The following BCAS3 variants were observed in gnomAD, a reference collection of about 807,000 sequenced individuals.
BCAS3 encodes BCAS4/BCAS3 fusion.
In BCAS3, 53 loss-of-function variants were observed where a neutral mutation model predicts 116.1. The observed-to-expected ratio is 0.46, with a 90% CI of 0.37 to 0.57. The LOEUF (loss-of-function observed/expected upper bound fraction) is 0.57, where lower values mean the gene tolerates loss of function less well. Among genes scored for constraint, BCAS3 ranks in the 20% least tolerant of loss-of-function variants. The pLI is 0.00. For synonymous variants in BCAS3, 391 were observed against 408.2 expected (o/e 0.96, Z 0.51); for missense variants, 917 against 1,165.4 (o/e 0.79, Z 3.10).
rs1206403297 is a variant in BCAS3, at chr17:60,993,138, T to C, written c.1486+2903T>C. Among the ~76,000 whole-genome samples the C allele has an allele frequency of 1.3e-5, 2 of 152,198 alleles. No individual in the cohort carries two copies. Among genetic ancestry groups the C allele is most frequent in the African/African-American group, 2.4e-5 (1 of 41,442 alleles). On this transcript the variant is annotated intron_variant, in intron 15 of 23. Coordinates refer to ENST00000407086, the MANE Select transcript of BCAS3 (RefSeq NM_017679.5). The surrounding 1 kb of genome is among the most constrained non-coding windows in gnomAD (Gnocchi z 4.2). ...ATTCAAGCATAATGTGCACAAAAGA[T>C]TGTGGGCATTCCTACCCTCATAGAT...
rs1156471461 is a variant in BCAS3 at position 61,363,553 on chromosome 17, C to CT, written c.2426-4757dup. On this transcript the variant is annotated intron_variant, in intron 22 of 23. Transcript: ENST00000407086. The surrounding 1 kb of genome is among the most constrained non-coding windows in gnomAD (Gnocchi z 4.9). ...GTTTGGTGAAGTCACATAAGCTCCTCTTTTTTTTTTTTTTTTTAACTCACT... is the reference window on the plus strand; with the variant it reads ...GTTTGGTGAAGTCACATAAGCTCCTCTTTTTTTTTTTTTTTTTTAACTCACT... Among the ~76,000 whole-genome samples, 4,731 of 139,882 alleles carry CT rather than the reference C, an allele frequency of 0.034. 118 individuals are homozygous for CT. The highest frequency in any genetic ancestry group is 0.066 in the African/African-American group (2,519 of 38,296). 91.8% of individuals were successfully genotyped at this position (139,882 alleles called of 152,430 possible). A position where few individuals can be genotyped will look rare whatever the true frequency, so the allele number is the denominator to read the frequency against.
intron 10 of BCAS3, among the ~76,000 whole-genome samples, chr17:60,901,596 T>C (rs762000892): frequency 6.6e-6 from 1 of 152,216 alleles, no homozygotes; most frequent in Non-Finnish European, 1.5e-5. Flanking sequence ...TTGCATATCA[T>C]ACTTTTAAGG....
chr17:60,955,386 A>ATTTTTTTTTCTTTTT (rs2061070400), intron 14 of BCAS3, among the ~76,000 whole-genome samples: 1 of 128,086 alleles, frequency 7.8e-6, no homozygotes, highest in African/African-American at 3.5e-5. Flanking sequence ...GGGAAACTGA[A>ATTTTTTTTTCTTTTT]TTTTTTTTTT....
intron 6 of BCAS3, among the ~76,000 whole-genome samples, chr17:60,754,128 T>C (rs2042762516): frequency 6.6e-6 from 1 of 152,092 alleles, no homozygotes; most frequent in Non-Finnish European, 1.5e-5. Context: ...CTTGACCTCC[T>C]GGGCTCAAGT....
intron 5 of BCAS3, among the ~76,000 whole-genome samples, chr17:60,735,950 G>C (rs1598376602): frequency 6.6e-6 from 1 of 152,148 alleles, no homozygotes; most frequent in African/African-American, 2.4e-5. Flanking sequence ...CATTAAGTGA[G>C]TGTAAGTGAG....
rs531859213 is a variant in BCAS3 at position 61,321,774 on chromosome 17, T to A, written c.2426-46553T>A. 7.2e-5 allele frequency among the ~76,000 whole-genome samples: 11 copies of A among 152,270 alleles called. No individual in the cohort carries two copies. The East Asian group carries it at 1.7e-3, about 24-fold the overall frequency. Reference sequence around the variant, plus strand: ...GTGCTCTCCAATCTGGCCATGCTTCTGCTGGGAAATGAGGGGATAGTGGGG... The same window carrying A: ...GTGCTCTCCAATCTGGCCATGCTTCAGCTGGGAAATGAGGGGATAGTGGGG... On this transcript the variant is annotated intron_variant, in intron 22 of 23. Transcript: ENST00000407086.
At chr17:61,303,889 C>T (rs2053638841) in intron 22 of BCAS3, among the ~76,000 whole-genome samples, 1 of 152,188 alleles carries the variant, frequency 6.6e-6, no homozygotes, top group Non-Finnish European at 1.5e-5. Flanking sequence ...TGTTCAGCAG[C>T]ATTTGTTGGA....
At chr17:61,191,355 G>A (rs1374564516) in intron 22 of BCAS3, among the ~76,000 whole-genome samples, 1 of 151,974 alleles carries the variant, frequency 6.6e-6, no homozygotes, top group Non-Finnish European at 1.5e-5. Context: ...CAGGTGATAG[G>A]ACAATAATAA....
chr17:61,006,206 C>T lies in BCAS3; in HGVS notation c.1487-9545C>T, dbSNP rs376074847. Among the ~76,000 whole-genome samples the T allele has an allele frequency of 9.2e-5, 14 of 151,934 alleles. No homozygotes were observed. In the East Asian group the frequency reaches 1.4e-3, roughly 15 times the overall value. On this transcript the variant is annotated intron_variant, in intron 15 of 23. Coordinates refer to ENST00000407086, the MANE Select transcript of BCAS3 (RefSeq NM_017679.5). ...ACTTTTTATTCAAGAGAAAATGCTT[C>T]GATTTTATATTAAATTGTTCCTTAA...
At chr17:60,842,950 C>T (rs2052101251) in intron 7 of BCAS3, among the ~76,000 whole-genome samples, 1 of 151,348 alleles carries the variant, frequency 6.6e-6, no homozygotes, top group African/African-American at 2.4e-5. Flanking sequence ...TAGCTCATTG[C>T]AGTCTTGAAT....
At chr17:60,930,868 G>A (rs990118902) in intron 13 of BCAS3, among the ~76,000 whole-genome samples, 1 of 152,106 alleles carries the variant, frequency 6.6e-6, no homozygotes, top group Non-Finnish European at 1.5e-5. Context: ...CCTGGGAAAC[G>A]TTAAAAATAC....
chr17:60,687,463 G>A (rs2143835042), intron 3 of BCAS3, among the ~76,000 whole-genome samples: 1 of 152,282 alleles, frequency 6.6e-6, no homozygotes, highest in East Asian at 1.9e-4. Flanking sequence ...AATTAGCTGG[G>A]TGTGGTGGTG....
chr17:60,921,579 C>G (rs1169951737), intron 12 of BCAS3, among the ~76,000 whole-genome samples: 1 of 145,746 alleles, frequency 6.9e-6, no homozygotes, highest in Non-Finnish European at 1.5e-5. Flanking sequence ...CGCCACTGCA[C>G]TCCAGCCTGG....
At chr17:60,991,327 T>C (rs2063511240) in intron 15 of BCAS3, among the ~76,000 whole-genome samples, 3 of 152,238 alleles carry the variant, frequency 2.0e-5, no homozygotes, top group Non-Finnish European at 2.9e-5. Context: ...TGTACTTCTG[T>C]TTATTTATCC....
At chr17:60,737,868 C>A (rs2041134504) in intron 5 of BCAS3, among the ~76,000 whole-genome samples, 1 of 152,082 alleles carries the variant, frequency 6.6e-6, no homozygotes, top group Non-Finnish European at 1.5e-5. Context: ...CTCACTACAA[C>A]CCTTGCCTCT....
rs1402092152 is a variant in BCAS3 at position 61,082,724 on chromosome 17, C to CT, written c.2328-1741dup. On this transcript the variant is annotated intron_variant, in intron 21 of 23. Coordinates refer to ENST00000407086, the MANE Select transcript of BCAS3 (RefSeq NM_017679.5). The surrounding 1 kb of genome is among the most constrained non-coding windows in gnomAD (Gnocchi z 5.1). ...TCTAACTGGCCCACATTAGCTTAGGCTTACCTATCCCCTAACTAACCACTG... is the reference window on the plus strand; with the variant it reads ...TCTAACTGGCCCACATTAGCTTAGGCTTTACCTATCCCCTAACTAACCACTG... 1.3e-5 allele frequency among the ~76,000 whole-genome samples: 2 copies of CT among 152,162 alleles called. No homozygotes were observed. The highest frequency in any genetic ancestry group is 2.9e-5 in the Non-Finnish European group (2 of 68,024).
chr17:61,257,284 G>A (rs370709784), intron 22 of BCAS3, among the ~76,000 whole-genome samples: 28 of 152,190 alleles, frequency 1.8e-4, no homozygotes, highest in African/African-American at 6.7e-4. Context: ...GCTGGGTGTG[G>A]TGGCCACACG....
chr17:60,727,327 C>T, intron 5 of BCAS3: 1 of 1,346,436 alleles, frequency 7.4e-7, no homozygotes, highest in African/African-American at 1.4e-5. Context: ...GGAAAACTGG[C>T]CTTCTCTGCC....
intron 7 of BCAS3, chr17:60,811,018 C>T (rs945400436): frequency 2.1e-5 from 14 of 660,324 alleles, no homozygotes; most frequent in Middle Eastern, 8.4e-4. Flanking sequence ...GGTCACCATG[C>T]AGTCTGCCGA....
Sources: gnomAD v4.1 joint callset for allele counts (sites outside exome capture counted in the v4.1 genomes callset) on GRCh38, gnomAD v4.1.1 for gene constraint, Gnocchi (gnomAD v3.1) non-coding constraint, MANE v1.5 for transcripts, NCBI Gene and HGNC (gene_info 2026-07-23, HGNC 2026-07-21) for gene names.